PTPRG: variants seen among roughly 807,000 people sequenced by gnomAD.
PTPRG encodes the protein receptor-type tyrosine-protein phosphatase gamma.
In PTPRG, 102 loss-of-function variants were observed where a neutral mutation model predicts 165.3. That is an observed-to-expected ratio of 0.62 (90% CI 0.53 to 0.73). The LOEUF is 0.73. PTPRG is among the 30% of genes least tolerant of loss of function. The pLI is 0.00. For synonymous variants in PTPRG, 675 were observed against 669.5 expected, an observed-to-expected ratio of 1.01 and a Z score of -0.13; for missense variants, 1,866 against 1,861.4, an observed-to-expected ratio of 1.00 and a Z score of -0.05.
At chr3:61,723,531 T>A (rs2032135643) in intron 1 of PTPRG, among the ~76,000 whole-genome samples, 1 of 152,174 alleles carries the variant, frequency 6.6e-6, no homozygotes, top group African/African-American at 2.4e-5. Context: ...GGATAGAAAG[T>A]AAAAATGATG....
In PTPRG at chr3:61,889,267, T is replaced by G. The variant is rs188454978; in HGVS notation, c.191-100358T>G. Among the ~76,000 whole-genome samples the G allele has an allele frequency of 3.4e-4, 52 of 152,334 alleles. 1 individual carries two copies. Among genetic ancestry groups the G allele is most frequent in the Admixed American group, 8.5e-4 (13 of 15,300 alleles). On this transcript the variant is annotated intron_variant, in intron 2 of 29. Coordinates refer to ENST00000474889, the MANE Select transcript of PTPRG (RefSeq NM_002841.4). Reference sequence around the variant, plus strand: ...GTCATTCTACTGGAAAGAAGCACTTTATTTCCTCCTCTAGTTATTTATTCG... The same window carrying G: ...GTCATTCTACTGGAAAGAAGCACTTGATTTCCTCCTCTAGTTATTTATTCG...
In PTPRG at chr3:62,213,240, C is replaced by T. The variant is rs1398632585; in HGVS notation, c.2156-5611C>T. Among the ~76,000 whole-genome samples, 1 of 152,130 alleles carries T rather than the reference C, an allele frequency of 6.6e-6. No individual in the cohort carries two copies. Among genetic ancestry groups the T allele is most frequent in the Non-Finnish European group, 1.5e-5 (1 of 68,026 alleles). ...GAAAAGAATGAACATTTCTTGGGCA[C>T]CTCCTCTGTGTCAGGCACTGTGCTT... is the stretch of plus-strand genomic sequence containing the variant. On this transcript the variant is annotated intron_variant, in intron 12 of 29. Coordinates refer to ENST00000474889, the MANE Select transcript of PTPRG (RefSeq NM_002841.4). The surrounding 1 kb of genome is among the most constrained non-coding windows in gnomAD (Gnocchi z 4.4).
intron 1 of PTPRG, among the ~76,000 whole-genome samples, chr3:61,627,090 A>G (rs9839369): frequency 0.038 from 4,268 of 113,426 alleles, 194 homozygotes; most frequent in African/African-American, 0.13. Context: ...GAACAAATCA[A>G]TGTTAAAAGC....
chr3:62,092,966 A>G (rs1211751033), intron 5 of PTPRG, among the ~76,000 whole-genome samples: 1 of 152,174 alleles, frequency 6.6e-6, no homozygotes, highest in East Asian at 1.9e-4. Context: ...CTTCCTCTCC[A>G]AACTCAGTGG....
At position 61,567,665 on chromosome 3, in the gene PTPRG, C is replaced by CAAA. The variant is rs35299199; in HGVS notation, c.85+5309_85+5311dup. Among the ~76,000 whole-genome samples, 199 of 111,444 alleles carry CAAA rather than the reference C, an allele frequency of 1.8e-3. 4 individuals are homozygous for CAAA. The highest frequency in any genetic ancestry group is 9.7e-3 in the East Asian group (37 of 3,806). 73.1% of individuals were successfully genotyped at this position (111,444 alleles called of 152,430 possible). A position where few individuals can be genotyped will look rare whatever the true frequency, so the allele number is the denominator to read the frequency against. ...TGAGTGACACAGTGAGACCCTGTCTCAAAAAAAAAAAAAAAAAATTAAAAG... is the reference window on the plus strand; with the variant it reads ...TGAGTGACACAGTGAGACCCTGTCTCAAAAAAAAAAAAAAAAAAAAATTAAAAG... On this transcript the variant is annotated intron_variant, in intron 1 of 29. Transcript: ENST00000474889.
chr3:62,080,629 G>T (rs939890043), intron 5 of PTPRG, among the ~76,000 whole-genome samples: 24 of 152,104 alleles, frequency 1.6e-4, no homozygotes, highest in African/African-American at 5.8e-4. Flanking sequence ...TTTCTTAAAA[G>T]AAAATTTAAA....
At position 62,254,588 on chromosome 3, in the gene PTPRG, G is replaced by T. The variant is rs1701494300; in HGVS notation, c.2468-536G>T. 6.6e-6 allele frequency among the ~76,000 whole-genome samples: 1 copy of T among 152,124 alleles called. No individual in the cohort carries two copies. ...TGAGCTAAAATTTTGAACACTTAAAGATAGATGGCATTGTACCCAGAGCCA... is the reference window on the plus strand; with the variant it reads ...TGAGCTAAAATTTTGAACACTTAAATATAGATGGCATTGTACCCAGAGCCA... On this transcript the variant is annotated intron_variant, in intron 15 of 29. Transcript: ENST00000474889. This position sits in a 1 kb window ranked among gnomAD's most constrained non-coding sequence, Gnocchi z 4.6.
At chr3:61,613,539 C>A (rs1456081773) in intron 1 of PTPRG, among the ~76,000 whole-genome samples, 1 of 152,142 alleles carries the variant, frequency 6.6e-6, no homozygotes, top group Non-Finnish European at 1.5e-5. Flanking sequence ...CTATTTAAAA[C>A]CCACCCAATT....
chr3:61,939,235 A>G (rs903229999), intron 2 of PTPRG, among the ~76,000 whole-genome samples: 1 of 152,142 alleles, frequency 6.6e-6, no homozygotes, highest in Non-Finnish European at 1.5e-5. Context: ...GCAGCCCTAT[A>G]TTTACTCACA....
chr3:61,903,826 G>C (rs570428495), intron 2 of PTPRG, among the ~76,000 whole-genome samples: 6 of 152,210 alleles, frequency 3.9e-5, no homozygotes, highest in Non-Finnish European at 8.8e-5. Flanking sequence ...TTACAATCAG[G>C]TCATATGGTG....
intron 1 of PTPRG, among the ~76,000 whole-genome samples, chr3:61,713,203 C>T (rs2031650254): frequency 6.6e-6 from 1 of 151,366 alleles, no homozygotes; most frequent in South Asian, 2.1e-4. Flanking sequence ...ACTCTGTTAC[C>T]AGGCTGGAGT....
chr3:62,171,528 C>T (rs1467082683), intron 8 of PTPRG, among the ~76,000 whole-genome samples: 1 of 152,126 alleles, frequency 6.6e-6, no homozygotes, highest in Non-Finnish European at 1.5e-5. Context: ...AGAATATTTT[C>T]ATCGCCACAG....
Position 62,237,261 on chromosome 3 carries a change from G to T in PTPRG, c.2375+5950G>T, listed in dbSNP as rs1373702627. On this transcript the variant is annotated intron_variant, in intron 14 of 29. Coordinates refer to ENST00000474889, the MANE Select transcript of PTPRG (RefSeq NM_002841.4). The surrounding 1 kb of genome is among the most constrained non-coding windows in gnomAD (Gnocchi z 4.5). ...GGGTATTCTTCCTTAAGAATTCCTGGGTGGAAATGGGGGGTCAGAAGTCTA... is the reference window on the plus strand; with the variant it reads ...GGGTATTCTTCCTTAAGAATTCCTGTGTGGAAATGGGGGGTCAGAAGTCTA... 6.6e-6 allele frequency among the ~76,000 whole-genome samples: 1 copy of T among 152,118 alleles called. No individual in the cohort carries two copies. The highest frequency in any genetic ancestry group is 1.5e-5 in the Non-Finnish European group (1 of 68,026).
chr3:61,986,840 T>G (rs1179722502), intron 2 of PTPRG, among the ~76,000 whole-genome samples: 1 of 152,232 alleles, frequency 6.6e-6, no homozygotes, highest in Non-Finnish European at 1.5e-5. Flanking sequence ...TAATATCATG[T>G]CTGAGAGAGG....
intron 1 of PTPRG, among the ~76,000 whole-genome samples, chr3:61,694,233 G>C (rs899859089): frequency 1.3e-5 from 2 of 152,122 alleles, no homozygotes; most frequent in African/African-American, 4.8e-5. Flanking sequence ...CTCTAACAGA[G>C]ACAGAACTGG....
chr3:61,647,062 A>C (rs950213387), intron 1 of PTPRG, among the ~76,000 whole-genome samples: 2 of 152,196 alleles, frequency 1.3e-5, no homozygotes, highest in Non-Finnish European at 2.9e-5. Context: ...AAAGCTGCTT[A>C]TGAACATTTG....
chr3:61,948,277 A>G (rs2107618578), intron 2 of PTPRG, among the ~76,000 whole-genome samples: 1 of 152,246 alleles, frequency 6.6e-6, no homozygotes, highest in South Asian at 2.1e-4. Context: ...GTGAGCCGAG[A>G]TCGCTCCATT....
intron 15 of PTPRG, among the ~76,000 whole-genome samples, chr3:62,247,605 A>G (rs1306696267): frequency 6.6e-6 from 1 of 152,130 alleles, no homozygotes; most frequent in Non-Finnish European, 1.5e-5. Context: ...TCCTGAGAGA[A>G]AGACTCAACT....
chr3:61,725,826 C>T (rs892905415), intron 1 of PTPRG, among the ~76,000 whole-genome samples: 6 of 151,286 alleles, frequency 4.0e-5, no homozygotes, highest in South Asian at 4.2e-4. Context: ...CCAGTTCTAA[C>T]GGTTTGGTAA....
Sources: allele counts gnomAD v4.1 joint callset (sites outside exome capture counted in the v4.1 genomes callset), GRCh38; gene constraint gnomAD v4.1.1; non-coding constraint Gnocchi (gnomAD v3.1); transcripts MANE v1.5; gene names NCBI Gene and HGNC (gene_info 2026-07-23, HGNC 2026-07-21).